ZNF385D: variants seen among roughly 807,000 people sequenced by gnomAD.
ZNF385D encodes zinc finger protein 659.
A neutral mutation model predicts 35.8 loss-of-function variants in ZNF385D; 15 were observed. The observed-to-expected ratio is 0.42, with a 90% CI of 0.28 to 0.64. The LOEUF (loss-of-function observed/expected upper bound fraction) is 0.64. Ranked by LOEUF, ZNF385D falls within the 30% of genes least tolerant of loss-of-function variation. The pLI, the probability that ZNF385D is intolerant of heterozygous loss-of-function variation, is 0.23. For missense variants in ZNF385D, 474 were observed against 494.6 expected, an observed-to-expected ratio of 0.96 and a Z score of 0.39; for synonymous variants, 212 against 186.8, an observed-to-expected ratio of 1.13 and a Z score of -1.10.
At chr3:21,806,074 C>G (rs1450164426) in intron 3 of ZNF385D, among the ~76,000 whole-genome samples, 1 of 152,258 alleles carries the variant, frequency 6.6e-6, no homozygotes, top group East Asian at 1.9e-4. Flanking sequence ...TGCATGTTAG[C>G]TAAACAGCAA....
intron 1 of ZNF385D, among the ~76,000 whole-genome samples, chr3:21,724,333 C>G (rs1441838789): frequency 1.3e-5 from 2 of 151,452 alleles, no homozygotes; most frequent in African/African-American, 4.9e-5. Context: ...GGCTAAATGA[C>G]CCAATTAAAA....
At chr3:21,427,888 G>GCACA (rs80162236) in intron 5 of ZNF385D, among the ~76,000 whole-genome samples, 1 of 151,734 alleles carries the variant, frequency 6.6e-6, no homozygotes, top group Non-Finnish European at 1.5e-5. Flanking sequence ...ACATGCACAT[G>GCACA]CACACACACA....
rs1704989391 is a variant in ZNF385D at position 21,485,821 on chromosome 3, G to A, written c.439+25040C>T. Among the ~76,000 whole-genome samples the A allele has an allele frequency of 2.6e-5, 4 of 151,838 alleles. No individual in the cohort carries two copies. The South Asian group carries it at 6.2e-4, about 24-fold the overall frequency. On this transcript the variant is annotated intron_variant, in intron 4 of 7. Coordinates refer to ENST00000281523, the MANE Select transcript of ZNF385D (RefSeq NM_024697.3). ...CTTGACAGATGAAGAAAATTAAATG[G>A]TACAGCTGAGATTAGAAACCTAATG...
chr3:21,696,256 G>A (rs533600583), intron 1 of ZNF385D, among the ~76,000 whole-genome samples: 1 of 152,328 alleles, frequency 6.6e-6, no homozygotes, highest in South Asian at 2.1e-4. Context: ...GATTATTTAA[G>A]TGAGAGCCCT....
At chr3:22,073,967 A>C (rs959629507) in intron 3 of ZNF385D, among the ~76,000 whole-genome samples, 1 of 151,942 alleles carries the variant, frequency 6.6e-6, no homozygotes, top group Admixed American at 6.6e-5. Context: ...TTAAAAATCT[A>C]TTCCTTGTTT....
At chr3:21,925,036 G>A (rs1486904990) in intron 3 of ZNF385D, among the ~76,000 whole-genome samples, 8 of 152,132 alleles carry the variant, frequency 5.3e-5, no homozygotes, top group East Asian at 1.9e-4. Flanking sequence ...TACATACCAT[G>A]TTCATGGTTT....
chr3:21,718,104 A>G (rs768715993), intron 1 of ZNF385D, among the ~76,000 whole-genome samples: 1 of 152,182 alleles, frequency 6.6e-6, no homozygotes, highest in Non-Finnish European at 1.5e-5. Context: ...TTAAATCACT[A>G]GGCTAAATAA....
intron 3 of ZNF385D, among the ~76,000 whole-genome samples, chr3:21,778,790 G>C (rs2071387083): frequency 6.6e-6 from 1 of 151,998 alleles, no homozygotes. Flanking sequence ...AGCCACTGTG[G>C]TTAAGTGTTT....
chr3:22,154,238 TCCAGCTCTA>T lies in ZNF385D; in HGVS notation c.325+14570_325+14578del, dbSNP rs1489188448. ...CACTACAATTGAAGCTCATTTCATT[TCCAGCTCTA>T]TCAGATAATAGGATATTTTCCTGGC... On this transcript the variant is annotated intron_variant, in intron 3 of 5. Coordinates refer to the ZNF385D transcript ENST00000494108. Among the ~76,000 whole-genome samples the T allele has an allele frequency of 2.0e-5, 3 of 152,188 alleles. No homozygotes were observed. The East Asian group carries it at 5.8e-4, about 29-fold the overall frequency.
chr3:21,469,386 C>T (rs571744502), intron 4 of ZNF385D, among the ~76,000 whole-genome samples: 3 of 152,278 alleles, frequency 2.0e-5, no homozygotes, highest in South Asian at 2.1e-4. Flanking sequence ...TGACCTCATA[C>T]GTCACGAAAC....
chr3:22,185,797 T>C (rs1695591578), intron 2 of ZNF385D, among the ~76,000 whole-genome samples: 1 of 152,152 alleles, frequency 6.6e-6, no homozygotes, highest in Non-Finnish European at 1.5e-5. Context: ...AAGATTTCTG[T>C]CCCACCTGGA....
chr3:22,135,419 C>A (rs1013947583), intron 3 of ZNF385D, among the ~76,000 whole-genome samples: 1 of 152,074 alleles, frequency 6.6e-6, no homozygotes, highest in Non-Finnish European at 1.5e-5. Flanking sequence ...ATAATAGTTT[C>A]AAACACTGTA....
chr3:21,670,460 T>C (rs1280066130), intron 1 of ZNF385D, among the ~76,000 whole-genome samples: 1 of 151,834 alleles, frequency 6.6e-6, no homozygotes. Context: ...ACATGGAGAA[T>C]TATTCAAATC....
At chr3:21,605,469 A>C (rs1345826531) in intron 2 of ZNF385D, among the ~76,000 whole-genome samples, 3 of 152,172 alleles carry the variant, frequency 2.0e-5, no homozygotes, top group Non-Finnish European at 4.4e-5. Flanking sequence ...TCGTGTAGGG[A>C]ACTAAGTGTG....
chr3:21,746,212 G>A (rs976348892), intron 1 of ZNF385D, among the ~76,000 whole-genome samples: 1 of 152,128 alleles, frequency 6.6e-6, no homozygotes, highest in Non-Finnish European at 1.5e-5. Context: ...CCACGAAAGC[G>A]TAACTTTGCA....
intron 3 of ZNF385D, chr3:21,942,499 A>C (rs1038545493): frequency 6.6e-6 from 1 of 152,214 alleles, no homozygotes; most frequent in African/African-American, 2.4e-5. Context: ...AAGAATATCT[A>C]AGCGCTGCAG....
At chr3:21,511,822 C>A in intron 3 of ZNF385D, 3 of 432,480 alleles carry the variant, frequency 6.9e-6, no homozygotes, top group East Asian at 1.4e-4. Context: ...TTCCTAAGAG[C>A]ATTTTTTTTT....
chr3:22,284,189 G>GTTTGTT (rs77540688), intron 2 of ZNF385D, among the ~76,000 whole-genome samples: 5 of 150,574 alleles, frequency 3.3e-5, no homozygotes, highest in African/African-American at 9.7e-5. Flanking sequence ...TTGTTTGTTT[G>GTTTGTT]TTTGTTTTTG....
chr3:21,879,968 A>G (rs1418919906), intron 3 of ZNF385D, among the ~76,000 whole-genome samples: 1 of 151,980 alleles, frequency 6.6e-6, no homozygotes, highest in African/African-American at 2.4e-5. Context: ...ACCAAATTAG[A>G]GTCTGGCCAC....
Sources: allele counts gnomAD v4.1 joint callset (sites outside exome capture counted in the v4.1 genomes callset), GRCh38; gene constraint gnomAD v4.1.1; transcripts MANE v1.5; gene names NCBI Gene and HGNC (gene_info 2026-07-23, HGNC 2026-07-21).